Variants in EGF observed in about 807,000 individuals in gnomAD.
EGF encodes the protein epidermal growth factor.
EGF carries 95 observed loss-of-function variants against 143.8 expected under a neutral mutation model. The observed-to-expected ratio is 0.66, with a 90% CI of 0.56 to 0.78. EGF has a LOEUF of 0.78. Ranked by LOEUF, EGF falls within the 30% of genes least tolerant of loss-of-function variation. The pLI is 0.00. For synonymous variants in EGF, 510 were observed against 510.5 expected (o/e 1.00, Z 0.01); for missense variants, 1,320 against 1,470.9 (o/e 0.90, Z 1.68).
intron 6 of EGF, 119 bp downstream of exon 6, chr4:109,959,556 T>C: frequency 6.8e-7 from 1 of 1,472,280 alleles, no homozygotes; most frequent in Non-Finnish European, 9.5e-7. Context: ...GAAAACCAAC[T>C]TCAAGTCCAT....
chr4:109,992,193 A>AG (rs1751043490), intron 18 of EGF: 1 of 147,076 alleles, frequency 6.8e-6, no homozygotes, highest in Admixed American at 6.8e-5. Context: ...AAAAAAAAAA[A>AG]AAAAAAAGAC....
At chr4:109,982,178 T>C (rs1010297187) in intron 15 of EGF, among the ~76,000 whole-genome samples, 1 of 151,514 alleles carries the variant, frequency 6.6e-6, no homozygotes, top group East Asian at 1.9e-4. Flanking sequence ...TTTTATTTTA[T>C]TTTTATTTTT....
chr4:109,996,716 C>G (rs1751838537), intron 20 of EGF, among the ~76,000 whole-genome samples: 2 of 152,170 alleles, frequency 1.3e-5, no homozygotes, highest in African/African-American at 2.4e-5. Context: ...TCCCCTCAGC[C>G]ACAAGAAACC....
intron 10 of EGF, chr4:109,968,681 TATC>T (rs1195479399): frequency 9.9e-5 from 35 of 352,360 alleles, no homozygotes; most frequent in Non-Finnish European, 1.6e-4. Flanking sequence ...TACATCTATC[TATC>T]TATCTATCTA....
Position 109,912,916 on chromosome 4 carries a change from C to T in EGF, c.-420C>T. Reference sequence around the variant, plus strand: ...GAAACTGTTGGGAGAGGAATCGTATCTCCATATTTCTTCTTTCAGCCCCAA... The same window carrying T: ...GAAACTGTTGGGAGAGGAATCGTATTTCCATATTTCTTCTTTCAGCCCCAA... On this transcript the variant is annotated 5_prime_UTR_variant, in exon 1 of 24. Coordinates refer to ENST00000265171, the MANE Select transcript of EGF (RefSeq NM_001963.6). The T allele has an allele frequency of 5.2e-6, 1 of 192,994 alleles. No homozygotes were observed. The highest frequency in any genetic ancestry group is 1.1e-5 in the Non-Finnish European group (1 of 92,710). 12.0% of individuals were successfully genotyped at this position (192,994 alleles called of 1,614,324 possible).
intron 5 of EGF, 82 bp from the exon 6 acceptor site, chr4:109,959,230 C>T: frequency 6.3e-7 from 1 of 1,596,490 alleles, no homozygotes; most frequent in South Asian, 1.1e-5. Flanking sequence ...GGAGGTAAGA[C>T]CTCTTAAGAA....
chr4:109,958,084 C>A (rs552788373), intron 5 of EGF, among the ~76,000 whole-genome samples: 1 of 152,290 alleles, frequency 6.6e-6, no homozygotes, highest in South Asian at 2.1e-4. Context: ...CCCAAATCTG[C>A]AGATGCTTAA....
At chr4:109,935,928 G>T (rs1399220806) in intron 1 of EGF, among the ~76,000 whole-genome samples, 1 of 152,142 alleles carries the variant, frequency 6.6e-6, no homozygotes, top group Non-Finnish European at 1.5e-5. Context: ...TTTTTGATGT[G>T]TTGCTGGATC....
Position 109,943,863 on chromosome 4 carries a change from G to T in EGF, c.531G>T (p.Glu177Asp). ...PVERFIFWSS[E>D]VAGSLYRADL... The stretch of plus-strand genomic sequence containing the variant: ...TCAGGTTTATATTTTGGTCTTCAGA[G>T]GTGGCTGGAAGCCTTTATAGAGCAG... Residue 177 changes from glutamate to aspartate, a missense_variant, in exon 4 of 24, where the codon GAG becomes GAT. Around this residue, in one of 5 missense-constraint regions of EGF, gnomAD observed 1,186 missense variants for 1,313.7 expected, o/e 0.90. Coordinates refer to ENST00000265171, the MANE Select transcript of EGF (RefSeq NM_001963.6). 1 of 1,614,186 alleles carries T rather than the reference G, an allele frequency of 6.2e-7. No individual in the cohort carries two copies. The highest frequency in any genetic ancestry group is 8.5e-7 in the Non-Finnish European group (1 of 1,180,036).
intron 1 of EGF, among the ~76,000 whole-genome samples, chr4:109,921,009 T>C (rs376044837): frequency 3.3e-5 from 5 of 151,642 alleles, no homozygotes; most frequent in African/African-American, 1.2e-4. Context: ...GAAGGATGAA[T>C]ACTATTATTG....
intron 23 of EGF, 70 bp from the exon 24 acceptor site, chr4:110,011,132 G>C: frequency 3.2e-6 from 5 of 1,575,194 alleles, no homozygotes; most frequent in Non-Finnish European, 4.3e-6. Context: ...AACCACTACC[G>C]TTTAGGGTCT....
intron 1 of EGF, among the ~76,000 whole-genome samples, chr4:109,939,562 T>C (rs1319906052): frequency 6.6e-6 from 1 of 152,164 alleles, no homozygotes; most frequent in Admixed American, 6.5e-5. Flanking sequence ...GTCCAACCAG[T>C]CCCAGTGGGA....
chr4:109,924,306 T>A (rs1036622048), intron 1 of EGF, among the ~76,000 whole-genome samples: 1 of 150,768 alleles, frequency 6.6e-6, no homozygotes, highest in Non-Finnish European at 1.5e-5. Flanking sequence ...AGTCCATCAA[T>A]GTAATGATTT....
intron 13 of EGF, 26 bp from the exon 14 acceptor site, chr4:109,979,946 A>G (rs1372872038): frequency 2.2e-5 from 36 of 1,613,446 alleles, no homozygotes; most frequent in Non-Finnish European, 3.0e-5. Flanking sequence ...AAGAAGGTGT[A>G]TTTAACAAAC....
At chr4:109,966,642 T>G (rs1349411601) in intron 10 of EGF, among the ~76,000 whole-genome samples, 1 of 152,146 alleles carries the variant, frequency 6.6e-6, no homozygotes, top group Non-Finnish European at 1.5e-5. Flanking sequence ...GGATTGCAAA[T>G]TTACATTCCC....
At chr4:110,007,161 C>T (rs796411643) in intron 22 of EGF, among the ~76,000 whole-genome samples, 160 of 152,316 alleles carry the variant, frequency 1.1e-3, no homozygotes, top group Middle Eastern at 3.4e-3. Context: ...TCTGTGGATT[C>T]ACACTTCCCT....
intron 5 of EGF, 107 bp from the exon 6 acceptor site, chr4:109,959,205 C>T (rs1365321284): frequency 1.9e-6 from 3 of 1,543,656 alleles, no homozygotes; most frequent in Non-Finnish European, 2.6e-6. Flanking sequence ...AGAGATGCAG[C>T]TGTAGACGTT....
At chr4:109,963,107 T>C in intron 8 of EGF, 66 bp from the exon 9 acceptor site, 2 of 1,514,186 alleles carry the variant, frequency 1.3e-6, no homozygotes, top group Admixed American at 3.4e-5. Flanking sequence ...CTCGCCCCCA[T>C]CCTTTGATGA....
At chr4:109,967,932 A>G (rs1460295089) in intron 10 of EGF, among the ~76,000 whole-genome samples, 1 of 152,184 alleles carries the variant, frequency 6.6e-6, no homozygotes, top group African/African-American at 2.4e-5. Context: ...ATACACCTTT[A>G]TAGGGCACTT....
Sources: gnomAD v4.1 joint callset for allele counts (sites outside exome capture counted in the v4.1 genomes callset) on GRCh38, gnomAD v4.1.1 for gene constraint, gnomAD v4.1.1 regional missense constraint, MANE v1.5 for transcripts, NCBI Gene and HGNC (gene_info 2026-07-23, HGNC 2026-07-21) for gene names.